SLC12A8: variants seen among roughly 807,000 people sequenced by gnomAD.
SLC12A8 encodes cation-chloride cotransporter 9.
A neutral mutation model predicts 75.6 loss-of-function variants in SLC12A8; 69 were observed. The ratio of observed to expected loss-of-function variants is 0.91; its 90% CI spans 0.75 to 1.11. The LOEUF (loss-of-function observed/expected upper bound fraction) is 1.11. Among genes scored for constraint, SLC12A8 ranks in the 50% most tolerant of loss-of-function variants. The pLI, the probability that SLC12A8 is intolerant of heterozygous loss-of-function variation, is 0.00. For missense variants in SLC12A8, 877 were observed against 896.7 expected (o/e 0.98, Z 0.28); for synonymous variants, 365 against 372.8 (o/e 0.98, Z 0.24).
intron 2 of SLC12A8, among the ~76,000 whole-genome samples, chr3:125,201,965 G>T (rs1579545125): frequency 6.6e-6 from 1 of 151,798 alleles, no homozygotes; most frequent in Non-Finnish European, 1.5e-5. Context: ...TGGAGTGCAG[G>T]GGTTTGATCT....
At chr3:125,182,448 T>TA (rs1934685556) in intron 4 of SLC12A8, among the ~76,000 whole-genome samples, 1 of 152,052 alleles carries the variant, frequency 6.6e-6, no homozygotes, top group South Asian at 2.1e-4. Flanking sequence ...GACCAAGAGA[T>TA]ATATCTATTA....
intron 12 of SLC12A8, among the ~76,000 whole-genome samples, chr3:125,089,134 G>A (rs997440775): frequency 2.0e-5 from 3 of 152,092 alleles, no homozygotes; most frequent in African/African-American, 2.4e-5. Flanking sequence ...TATATGATCA[G>A]GAAAATAGCA....
chr3:125,188,429 T>G (rs921131719), intron 3 of SLC12A8, among the ~76,000 whole-genome samples: 1 of 152,226 alleles, frequency 6.6e-6, no homozygotes, highest in African/African-American at 2.4e-5. Flanking sequence ...AGGATCATGT[T>G]TTCTTCCCCT....
chr3:125,120,345 A>C (rs542157472), intron 7 of SLC12A8, among the ~76,000 whole-genome samples: 4 of 152,128 alleles, frequency 2.6e-5, no homozygotes, highest in African/African-American at 7.2e-5. Context: ...GAAAGGAAAG[A>C]AAGGATTCGA....
chr3:125,201,780 C>T (rs1339858716), intron 2 of SLC12A8, among the ~76,000 whole-genome samples: 1 of 151,318 alleles, frequency 6.6e-6, no homozygotes, highest in Non-Finnish European at 1.5e-5. Context: ...CAAGCGCACC[C>T]ACCCTTTGAT....
intron 12 of SLC12A8, among the ~76,000 whole-genome samples, chr3:125,090,701 C>G (rs1268489962): frequency 6.6e-6 from 1 of 152,170 alleles, no homozygotes; most frequent in Non-Finnish European, 1.5e-5. Context: ...TTCTTTTCTC[C>G]AAACTCTACT....
chr3:125,141,696 G>GCGGGCTGCGGGCTGCGGA (rs1933643213), intron 5 of SLC12A8, among the ~76,000 whole-genome samples: 1 of 149,410 alleles, frequency 6.7e-6, no homozygotes, highest in Non-Finnish European at 1.5e-5. Context: ...CGGGCTGCGG[G>GCGGGCTGCGGGCTGCGGA]CTGCGGGCTG....
At chr3:125,166,081 G>A (rs1054037405) in intron 5 of SLC12A8, among the ~76,000 whole-genome samples, 1 of 152,034 alleles carries the variant, frequency 6.6e-6, no homozygotes. Context: ...CTGCCCAAGC[G>A]TTTCGCCCAG....
At chr3:125,106,626 T>C (rs1003225660) in intron 10 of SLC12A8, among the ~76,000 whole-genome samples, 6 of 152,120 alleles carry the variant, frequency 3.9e-5, no homozygotes, top group Non-Finnish European at 8.8e-5. Flanking sequence ...GCTGGGATTA[T>C]AGACGTGAGC....
chr3:125,143,149 G>A (rs946944948), intron 5 of SLC12A8, among the ~76,000 whole-genome samples: 4 of 152,216 alleles, frequency 2.6e-5, no homozygotes, highest in African/African-American at 9.7e-5. Flanking sequence ...GAGTCAAAAG[G>A]GGAACAGTAA....
Position 125,198,268 on chromosome 3 carries a change from A to C in SLC12A8, c.52-7747T>G, listed in dbSNP as rs574989492. 1.3e-3 allele frequency among the ~76,000 whole-genome samples: 188 copies of C among 148,348 alleles called. 1 individual carries two copies. The highest frequency in any genetic ancestry group is 4.4e-3 in the African/African-American group (182 of 41,124). On this transcript the variant is annotated intron_variant, in intron 2 of 13. Transcript: ENST00000469902. ...AACATGTGTTCTTTAAAAAAAAAAA[A>C]ACAAAACAGTCAAGGTCATAAAAGA... is the stretch of plus-strand genomic sequence containing the variant.
In SLC12A8 at chr3:125,137,911, ACACACGCTCACGCT is replaced by A. The variant is rs551004416; in HGVS notation, c.623-2143_623-2130del. ...ATTCACAAAGTGCACACTCACGCTG[ACACACGCTCACGCT>A]CACACGCTCACGCTCACACTCACGC... is the stretch of plus-strand genomic sequence containing the variant. On this transcript the variant is annotated intron_variant, in intron 5 of 13. Transcript: ENST00000469902. Among the ~76,000 whole-genome samples, 789 of 151,928 alleles carry A rather than the reference ACACACGCTCACGCT, an allele frequency of 5.2e-3. 1 individual carries two copies. The highest frequency in any genetic ancestry group is 0.01 in the African/African-American group (416 of 41,490).
At chr3:125,112,356 T>C (rs924665355) in intron 8 of SLC12A8, among the ~76,000 whole-genome samples, 1 of 152,194 alleles carries the variant, frequency 6.6e-6, no homozygotes, top group Non-Finnish European at 1.5e-5. Flanking sequence ...CTACAGGAAA[T>C]CAATGTCATC....
chr3:125,194,811 C>T (rs1286051964), intron 2 of SLC12A8, among the ~76,000 whole-genome samples: 2 of 152,348 alleles, frequency 1.3e-5, no homozygotes, highest in South Asian at 4.1e-4. Flanking sequence ...ACATGCGAAC[C>T]AGCAGATGGC....
intron 1 of SLC12A8, 68 bp from the exon 2 acceptor site, chr3:125,211,462 C>T: frequency 1.2e-6 from 1 of 868,700 alleles, no homozygotes; most frequent in Non-Finnish European, 2.0e-6. Flanking sequence ...TCCATCCTTT[C>T]TCTCTACTAG....
rs1303682350 is a variant in SLC12A8 at position 125,177,751 on chromosome 3, A to G, written c.614T>C (p.Leu205Pro). 2 of 1,613,382 alleles carry G rather than the reference A, an allele frequency of 1.2e-6. No homozygotes were observed. Among genetic ancestry groups the G allele is most frequent in the Admixed American group, 3.3e-5 (2 of 60,008 alleles). The change falls in exon 5 of 14, where the codon CTG becomes CCG. Residue 205 changes from leucine (L) to proline (P), a missense_variant. Physicochemically the swap from Leu to Pro is moderately conservative, Grantham distance 98. Transcript: ENST00000469902. ...LDFVVGSFTHLDPEHGFIGYS... is the reference protein window; with the variant it reads ...LDFVVGSFTHPDPEHGFIGYS... ...GACTCTGAAAGGCTTACCTGGGTCCAGGTGGGTGAAAGAACCCACCACAAA... is the reference window on the plus strand; with the variant it reads ...GACTCTGAAAGGCTTACCTGGGTCCGGGTGGGTGAAAGAACCCACCACAAA...
chr3:125,209,100 G>C (rs946663266), intron 2 of SLC12A8, among the ~76,000 whole-genome samples: 1 of 152,116 alleles, frequency 6.6e-6, no homozygotes, highest in South Asian at 2.1e-4. Context: ...TTGTTCAAAG[G>C]TTCCCAGGAA....
Position 125,086,389 on chromosome 3 carries a change from T to A in SLC12A8, c.1982+1921A>T, listed in dbSNP as rs192368785. On this transcript the variant is annotated intron_variant, in intron 13 of 13. Coordinates refer to ENST00000469902, the MANE Select transcript of SLC12A8 (RefSeq NM_024628.6). ...TTTTCTAAGAATAATCTCCCCCTAG[T>A]ACATTCTTCTTTCTACATAGCACTG... Among the ~76,000 whole-genome samples, 5 of 152,338 alleles carry A rather than the reference T, an allele frequency of 3.3e-5. No individual in the cohort carries two copies. In the East Asian group the frequency reaches 5.8e-4, roughly 18 times the overall value.
At chr3:125,119,035 A>G (rs1335299768) in intron 7 of SLC12A8, 179 bp from the exon 8 acceptor site, 1 of 496,774 alleles carries the variant, frequency 2.0e-6, no homozygotes, top group Non-Finnish European at 3.7e-6. Flanking sequence ...CTCTTCTGGC[A>G]TATTTCTTAC....
Sources: allele counts gnomAD v4.1 joint callset (sites outside exome capture counted in the v4.1 genomes callset), GRCh38; gene constraint gnomAD v4.1.1; transcripts MANE v1.5; gene names NCBI Gene and HGNC (gene_info 2026-07-23, HGNC 2026-07-21).